Variants in CPA6 observed in about 807,000 individuals in gnomAD.
CPA6 encodes the protein carboxypeptidase A6.
A neutral mutation model predicts 63.3 loss-of-function variants in CPA6; 58 were observed. That is an observed-to-expected ratio of 0.92 (90% confidence interval 0.74 to 1.14). CPA6 has a LOEUF of 1.14. Among genes scored for constraint, CPA6 ranks in the 50% most tolerant of loss-of-function variants. CPA6 has a pLI of 0.00. For missense variants in CPA6, 565 were observed against 526.6 expected, an observed-to-expected ratio of 1.07 and a Z score of -0.71; for synonymous variants, 185 against 179.0, an observed-to-expected ratio of 1.03 and a Z score of -0.27.
At chr8:67,595,871 G>A (rs1216492488) in intron 2 of CPA6, among the ~76,000 whole-genome samples, 19 of 152,136 alleles carry the variant, frequency 1.2e-4, no homozygotes, top group African/African-American at 2.2e-4. Context: ...TTCGGCTGGC[G>A]CACAGTGTGC....
chr8:67,744,865 A>G (rs2129004821), intron 1 of CPA6, among the ~76,000 whole-genome samples: 1 of 152,124 alleles, frequency 6.6e-6, no homozygotes, highest in East Asian at 1.9e-4. Context: ...TATAGCCCCT[A>G]CCTCAGCCAA....
intron 2 of CPA6, among the ~76,000 whole-genome samples, chr8:67,573,650 T>C (rs961953230): frequency 6.6e-6 from 1 of 151,898 alleles, no homozygotes; most frequent in African/African-American, 2.4e-5. Flanking sequence ...CCCAGCACTT[T>C]GGGAGGCCGA....
chr8:67,536,062 A>AT, intron 2 of CPA6, among the ~76,000 whole-genome samples: 1 of 152,160 alleles, frequency 6.6e-6, no homozygotes, highest in East Asian at 1.9e-4. Flanking sequence ...CCATTGGTCT[A>AT]TATATCTGTT....
At chr8:67,613,945 C>T (rs988952462) in intron 2 of CPA6, among the ~76,000 whole-genome samples, 6 of 152,054 alleles carry the variant, frequency 3.9e-5, no homozygotes, top group Admixed American at 1.3e-4. Flanking sequence ...GGTGGGTCGT[C>T]GGAGAGGAGT....
intron 8 of CPA6, among the ~76,000 whole-genome samples, chr8:67,440,986 T>C (rs927332408): frequency 2.0e-5 from 3 of 152,204 alleles, no homozygotes; most frequent in African/African-American, 7.2e-5. Context: ...CTTCCACAAA[T>C]AACCTTTTTC....
At chr8:67,726,692 C>A (rs1164844010) in intron 1 of CPA6, among the ~76,000 whole-genome samples, 1 of 152,096 alleles carries the variant, frequency 6.6e-6, no homozygotes, top group Non-Finnish European at 1.5e-5. Flanking sequence ...TTTGAAAATC[C>A]ATTTACTTAA....
intron 1 of CPA6, among the ~76,000 whole-genome samples, chr8:67,697,909 C>T (rs1026806965): frequency 2.6e-5 from 4 of 152,012 alleles, no homozygotes; most frequent in African/African-American, 9.7e-5. Context: ...CTTTTATGCA[C>T]ACAAAAATCT....
chr8:67,485,544 T>A (rs1192583807), intron 6 of CPA6, among the ~76,000 whole-genome samples: 3 of 152,202 alleles, frequency 2.0e-5, no homozygotes, highest in Admixed American at 6.5e-5. Flanking sequence ...GTTTATTAAG[T>A]TGAGGATTTA....
chr8:67,660,496 A>ATTT (rs5892089), intron 1 of CPA6, among the ~76,000 whole-genome samples: 928 of 78,860 alleles, frequency 0.012, 70 homozygotes, highest in African/African-American at 0.036. Context: ...TGCCCGGCTC[A>ATTT]TTTTTTTTTT....
At chr8:67,621,587 T>G (rs781191442) in intron 2 of CPA6, among the ~76,000 whole-genome samples, 5 of 152,246 alleles carry the variant, frequency 3.3e-5, no homozygotes, top group Non-Finnish European at 7.3e-5. Flanking sequence ...GTCTCTCTTC[T>G]TCTGTAAAAC....
intron 1 of CPA6, among the ~76,000 whole-genome samples, chr8:67,742,171 T>A (rs79744969): frequency 0.027 from 4,132 of 152,204 alleles, 84 homozygotes; most frequent in Non-Finnish European, 0.041. Flanking sequence ...AACAGAAAGT[T>A]CTTTCTTCTT....
intron 10 of CPA6, among the ~76,000 whole-genome samples, chr8:67,427,128 G>T (rs1323599641): frequency 6.6e-6 from 1 of 152,182 alleles, no homozygotes; most frequent in African/African-American, 2.4e-5. Context: ...CTCGAGGAGG[G>T]TTATTCTCAC....
chr8:67,532,217 G>C lies in CPA6; in HGVS notation c.193-14170C>G, dbSNP rs893480471. ...TATGGACCAACCAAACAAAAAAATT[G>C]GTTTCTGAAGTATATTTAAAATAGA... On this transcript the variant is annotated intron_variant, in intron 2 of 10. Transcript: ENST00000297770. Among the ~76,000 whole-genome samples, 9 of 152,052 alleles carry C rather than the reference G, an allele frequency of 5.9e-5. No individual in the cohort carries two copies. The South Asian group carries it at 1.9e-3, about 31-fold the overall frequency.
chr8:67,626,592 A>C (rs1044254731), intron 1 of CPA6, among the ~76,000 whole-genome samples: 2 of 152,206 alleles, frequency 1.3e-5, no homozygotes, highest in African/African-American at 4.8e-5. Flanking sequence ...AAATCTAAAT[A>C]TAACCTTTGG....
intron 2 of CPA6, among the ~76,000 whole-genome samples, chr8:67,555,559 G>A (rs1355851917): frequency 2.6e-5 from 4 of 152,158 alleles, no homozygotes; most frequent in East Asian, 1.9e-4. Flanking sequence ...TGTAGGTAAA[G>A]CACTTTCCTG....
At chr8:67,694,539 G>C (rs1816874572) in intron 1 of CPA6, among the ~76,000 whole-genome samples, 1 of 152,202 alleles carries the variant, frequency 6.6e-6, no homozygotes, top group Admixed American at 6.5e-5. Context: ...ATACAACATT[G>C]GGCCTGAGCA....
chr8:67,551,968 C>T (rs891435849), intron 2 of CPA6, among the ~76,000 whole-genome samples: 2 of 152,156 alleles, frequency 1.3e-5, no homozygotes, highest in African/African-American at 4.8e-5. Flanking sequence ...TTCAAGCTGG[C>T]ATTTCTGATC....
At chr8:67,628,058 CA>C (rs1462409333) in intron 1 of CPA6, among the ~76,000 whole-genome samples, 1 of 151,912 alleles carries the variant, frequency 6.6e-6, no homozygotes, top group African/African-American at 2.4e-5. Flanking sequence ...ACTAAAAATA[CA>C]AAAATTAGCT....
chr8:67,678,848 C>T (rs1002275033), intron 1 of CPA6, among the ~76,000 whole-genome samples: 1 of 152,144 alleles, frequency 6.6e-6, no homozygotes, highest in Non-Finnish European at 1.5e-5. Flanking sequence ...GGATATAACC[C>T]AATGTCTACC....
Sources: allele counts gnomAD v4.1 joint callset (sites outside exome capture counted in the v4.1 genomes callset), GRCh38; gene constraint gnomAD v4.1.1; transcripts MANE v1.5; gene names NCBI Gene and HGNC (gene_info 2026-07-23, HGNC 2026-07-21).